ZC3H12C: variants seen among roughly 807,000 people sequenced by gnomAD.
ZC3H12C encodes zinc finger CCCH-type containing 12C.
Under a neutral mutation model 76.3 loss-of-function variants are expected in ZC3H12C, and 20 were observed. The ratio of observed to expected loss-of-function variants is 0.26; its 90% CI spans 0.18 to 0.38. The LOEUF (loss-of-function observed/expected upper bound fraction) is 0.38. Ranked by LOEUF, ZC3H12C falls within the 10% of genes least tolerant of loss-of-function variation. The probability of loss-of-function intolerance (pLI) is 1.00; values close to 1 mark genes in which losing one functional copy is unlikely to be tolerated. For synonymous variants in ZC3H12C, 352 were observed against 399.6 expected (o/e 0.88, Z 1.42); for missense variants, 874 against 1,086.5 (o/e 0.80, Z 2.75).
chr11:110,124,164 G>T (rs644566), intron 1 of ZC3H12C: 107,787 of 152,114 alleles, frequency 0.71, 38,499 homozygotes, highest in East Asian at 0.89. Flanking sequence ...GAAAAGACCC[G>T]TCATCACTGG....
chr11:110,117,132 C>T (rs921746462), intron 1 of ZC3H12C, among the ~76,000 whole-genome samples: 8 of 152,152 alleles, frequency 5.3e-5, no homozygotes, highest in Admixed American at 5.2e-4. Flanking sequence ...AATACCATAC[C>T]ACTTTTAAAT....
At chr11:110,107,732 G>A (rs1341596734) in intron 1 of ZC3H12C, among the ~76,000 whole-genome samples, 2 of 151,958 alleles carry the variant, frequency 1.3e-5, no homozygotes, top group Admixed American at 1.3e-4. Context: ...CACCATGTTG[G>A]CTGGACTGGT....
intron 1 of ZC3H12C, among the ~76,000 whole-genome samples, chr11:110,093,634 G>T (rs1458780664): frequency 1.3e-5 from 2 of 151,848 alleles, no homozygotes; most frequent in African/African-American, 2.4e-5. Flanking sequence ...GCTCAGGTGG[G>T]GCCGAGCGGA....
intron 1 of ZC3H12C, among the ~76,000 whole-genome samples, chr11:110,097,302 A>T (rs947458165): frequency 6.6e-6 from 1 of 152,250 alleles, no homozygotes; most frequent in African/African-American, 2.4e-5. Flanking sequence ...ATAAGCAGAT[A>T]CCTGAACATT....
chr11:110,152,133 C>A (rs1238735749), intron 2 of ZC3H12C, among the ~76,000 whole-genome samples: 1 of 152,120 alleles, frequency 6.6e-6, no homozygotes, highest in Non-Finnish European at 1.5e-5. Context: ...GGATGGGTAT[C>A]ATTTTTGAAT....
chr11:110,113,610 A>G (rs537090883), intron 1 of ZC3H12C, among the ~76,000 whole-genome samples: 31 of 152,338 alleles, frequency 2.0e-4, no homozygotes, highest in South Asian at 1.0e-3. Context: ...AAAGGGGTCT[A>G]TGTTACAAAA....
Position 110,124,677 on chromosome 11 carries a change from C to T in ZC3H12C, c.22-11986C>T, listed in dbSNP as rs139983113. Among the ~76,000 whole-genome samples the T allele has an allele frequency of 9.6e-3, 1,459 of 152,266 alleles. 10 individuals carry two copies. Among genetic ancestry groups the T allele is most frequent in the Non-Finnish European group, 0.017 (1,144 of 68,018 alleles). Reference sequence around the variant, plus strand: ...CAAGACAACACTTAAGGCAAAGAGACATCTGTGCCCTCACTTTTGCTGTCC... The same window carrying T: ...CAAGACAACACTTAAGGCAAAGAGATATCTGTGCCCTCACTTTTGCTGTCC... On this transcript the variant is annotated intron_variant, in intron 1 of 5. Coordinates refer to ENST00000278590, the MANE Select transcript of ZC3H12C (RefSeq NM_033390.2).
At chr11:110,093,455 G>C in intron 1 of ZC3H12C, 23 bp downstream of exon 1, 1 of 1,204,664 alleles carries the variant, frequency 8.3e-7, no homozygotes, top group East Asian at 3.6e-5. Flanking sequence ...GAAGGGGGTG[G>C]GGGACGCGGA....
At chr11:110,134,365 T>C (rs1180858443) in intron 1 of ZC3H12C, among the ~76,000 whole-genome samples, 1 of 152,190 alleles carries the variant, frequency 6.6e-6, no homozygotes, top group African/African-American at 2.4e-5. Context: ...GGCGTGCAGC[T>C]TAGCAACCAG....
rs1183448313 is a variant in ZC3H12C at position 110,131,054 on chromosome 11, G to A, written c.22-5609G>A. 6 of 1,535,714 alleles carry A rather than the reference G, an allele frequency of 3.9e-6. No individual in the cohort carries two copies. In the East Asian group the frequency reaches 7.3e-5, roughly 19 times the overall value. On this transcript the variant is annotated intron_variant, in intron 1 of 5. Coordinates refer to ENST00000278590, the MANE Select transcript of ZC3H12C (RefSeq NM_033390.2). ...TCTGCAGCTAAAATTGTGTTAAGGAGTTTACTGCTGAAGCTGCTACAGAAA... is the reference window on the plus strand; with the variant it reads ...TCTGCAGCTAAAATTGTGTTAAGGAATTTACTGCTGAAGCTGCTACAGAAA...
At chr11:110,149,271 T>C (rs1289199934) in intron 2 of ZC3H12C, among the ~76,000 whole-genome samples, 4 of 152,172 alleles carry the variant, frequency 2.6e-5, no homozygotes, top group African/African-American at 9.7e-5. Context: ...ACCCTGCTCA[T>C]CCCCACTAAC....
intron 1 of ZC3H12C, among the ~76,000 whole-genome samples, chr11:110,095,454 T>G (rs1441608690): frequency 6.6e-6 from 1 of 152,216 alleles, no homozygotes; most frequent in African/African-American, 2.4e-5. Flanking sequence ...TTTGATAGCA[T>G]TTTTAAAGAA....
intron 3 of ZC3H12C, among the ~76,000 whole-genome samples, chr11:110,153,862 T>C (rs1862322112): frequency 6.6e-6 from 1 of 152,196 alleles, no homozygotes; most frequent in African/African-American, 2.4e-5. Context: ...AATGTATGAG[T>C]TTCAGGCAAT....
At position 110,166,165 on chromosome 11, in the gene ZC3H12C, CTG is replaced by C. The variant is rs1273315540; in HGVS notation, c.*430_*431del. ...GGGACATTTGACTAGACCTAGCAAA[CTG>C]TTTTTTCGAGCCAAGCTTAGTTAGA... On this transcript the variant is annotated 3_prime_UTR_variant, in exon 6 of 6. Coordinates refer to ENST00000278590, the MANE Select transcript of ZC3H12C (RefSeq NM_033390.2). The C allele has an allele frequency of 6.4e-6, 1 of 156,786 alleles. No homozygotes were observed. The highest frequency in any genetic ancestry group is 1.4e-5 in the Non-Finnish European group (1 of 71,114). The allele number at this position is 156,786 out of a possible 1,614,324, so 9.7% of individuals were successfully genotyped here. A position where few individuals can be genotyped will look rare whatever the true frequency, so the allele number is the denominator to read the frequency against.
At chr11:110,137,799 C>A (rs925192244) in intron 2 of ZC3H12C, among the ~76,000 whole-genome samples, 3 of 152,052 alleles carry the variant, frequency 2.0e-5, no homozygotes, top group African/African-American at 7.2e-5. Flanking sequence ...AGTTAAATAA[C>A]CCTAATTCTT....
chr11:110,127,104 A>C (rs1861763108), intron 1 of ZC3H12C, among the ~76,000 whole-genome samples: 1 of 152,208 alleles, frequency 6.6e-6, no homozygotes, highest in Non-Finnish European at 1.5e-5. Flanking sequence ...TCATGGACAG[A>C]AAGGAATTAG....
intron 1 of ZC3H12C, among the ~76,000 whole-genome samples, chr11:110,121,032 G>A (rs936309789): frequency 2.0e-5 from 3 of 152,158 alleles, no homozygotes; most frequent in African/African-American, 7.2e-5. Flanking sequence ...AATCACTTGG[G>A]AAGCTTTTAA....
rs963767611 is a variant in ZC3H12C, at chr11:110,163,524, G to C, written c.1255+145G>C. On this transcript the variant is annotated intron_variant, in intron 5 of 5. Coordinates refer to ENST00000278590, the MANE Select transcript of ZC3H12C (RefSeq NM_033390.2). ...CAGATAAATTTCAGAAAACGTCTTA[G>C]CCATGAAAAAGAATTATTTTTACCT... 33 of 584,234 alleles carry C rather than the reference G, an allele frequency of 5.6e-5. No homozygotes were observed. In the South Asian group the frequency reaches 9.3e-4, roughly 16 times the overall value. The allele number at this position is 584,234 out of a possible 1,614,324, so 36.2% of individuals were successfully genotyped here.
At chr11:110,096,556 A>G (rs550432391) in intron 1 of ZC3H12C, among the ~76,000 whole-genome samples, 1 of 152,202 alleles carries the variant, frequency 6.6e-6, no homozygotes, top group Non-Finnish European at 1.5e-5. Flanking sequence ...AAAGTCATAT[A>G]GCTAGTAAGT....
Sources: allele counts gnomAD v4.1 joint callset (sites outside exome capture counted in the v4.1 genomes callset), GRCh38; gene constraint gnomAD v4.1.1; transcripts MANE v1.5; gene names NCBI Gene and HGNC (gene_info 2026-07-23, HGNC 2026-07-21).